SCFD2: variants seen among roughly 807,000 people sequenced by gnomAD.
SCFD2 encodes the protein sec1 family domain-containing protein 2.
In SCFD2, 54 loss-of-function variants were observed where a neutral mutation model predicts 58.9. The observed-to-expected ratio is 0.92, with a 90% confidence interval of 0.74 to 1.15. SCFD2 has a LOEUF of 1.15. Among genes scored for constraint, SCFD2 ranks in the 50% most tolerant of loss-of-function variants. The pLI, the probability that SCFD2 is intolerant of heterozygous loss-of-function variation, is 0.00. For synonymous variants in SCFD2, 321 were observed against 335.9 expected (o/e 0.96, Z 0.49); for missense variants, 805 against 836.6 (o/e 0.96, Z 0.47).
chr4:52,955,056 T>C (rs1248819782), intron 5 of SCFD2, among the ~76,000 whole-genome samples: 1 of 152,178 alleles, frequency 6.6e-6, no homozygotes, highest in African/African-American at 2.4e-5. Flanking sequence ...GTGGCTACTT[T>C]CCTCCCACCT....
intron 3 of SCFD2, among the ~76,000 whole-genome samples, chr4:53,284,943 TC>T (rs556357086): frequency 1.1e-3 from 169 of 152,350 alleles, no homozygotes; most frequent in Middle Eastern, 3.4e-3. Flanking sequence ...AGTATAGGTT[TC>T]TGGTTACACA....
At chr4:53,253,148 T>A (rs1437509355) in intron 4 of SCFD2, among the ~76,000 whole-genome samples, 1 of 152,220 alleles carries the variant, frequency 6.6e-6, no homozygotes, top group Non-Finnish European at 1.5e-5. Context: ...ATGCTCATCA[T>A]CACTGGCCAT....
intron 4 of SCFD2, among the ~76,000 whole-genome samples, chr4:53,238,214 T>C (rs1240403716): frequency 1.3e-4 from 17 of 134,602 alleles, no homozygotes; most frequent in South Asian, 2.5e-4. Flanking sequence ...ACGGGGCGGC[T>C]GGCCGGGCAG....
intron 5 of SCFD2, among the ~76,000 whole-genome samples, chr4:52,945,093 C>T (rs1384419376): frequency 6.6e-6 from 1 of 152,076 alleles, no homozygotes; most frequent in Non-Finnish European, 1.5e-5. Context: ...TTAAAAAGCT[C>T]TATATACTTC....
intron 5 of SCFD2, among the ~76,000 whole-genome samples, chr4:53,028,557 T>C (rs1369083419): frequency 1.3e-5 from 2 of 151,416 alleles, no homozygotes; most frequent in Non-Finnish European, 2.9e-5. Context: ...ATGCTACTTA[T>C]TCAATAGAGT....
chr4:52,980,938 A>T (rs1721364392), intron 5 of SCFD2, among the ~76,000 whole-genome samples: 1 of 152,114 alleles, frequency 6.6e-6, no homozygotes, highest in African/African-American at 2.4e-5. Context: ...TACATAGCCT[A>T]TATTGGTGTA....
intron 4 of SCFD2, among the ~76,000 whole-genome samples, chr4:53,240,586 C>T (rs1729862530): frequency 6.6e-6 from 1 of 152,222 alleles, no homozygotes; most frequent in African/African-American, 2.4e-5. Flanking sequence ...AATACTTTCC[C>T]ATTTGACGTT....
chr4:53,359,726 T>C (rs975515950), intron 1 of SCFD2, among the ~76,000 whole-genome samples: 3 of 152,226 alleles, frequency 2.0e-5, no homozygotes, highest in African/African-American at 7.2e-5. Context: ...CTGATAGTCA[T>C]GAGCTTCCCA....
At chr4:53,127,288 G>A (rs773903670) in intron 5 of SCFD2, among the ~76,000 whole-genome samples, 3 of 152,146 alleles carry the variant, frequency 2.0e-5, no homozygotes, top group Non-Finnish European at 4.4e-5. Context: ...AAGTTCATCT[G>A]GTAAACTTGC....
intron 5 of SCFD2, among the ~76,000 whole-genome samples, chr4:52,981,195 T>G (rs1304716078): frequency 1.3e-5 from 2 of 152,158 alleles, no homozygotes; most frequent in African/African-American, 4.8e-5. Context: ...AGTATAAACC[T>G]TGAAAATGCA....
chr4:53,269,686 TTATAA>T (rs1264657206), intron 4 of SCFD2, among the ~76,000 whole-genome samples: 5 of 152,134 alleles, frequency 3.3e-5, no homozygotes, highest in Admixed American at 6.5e-5. Flanking sequence ...TACTAAACTA[TTATAA>T]TATAATCTTT....
At chr4:53,051,215 G>A (rs1440116277) in intron 5 of SCFD2, among the ~76,000 whole-genome samples, 1 of 152,150 alleles carries the variant, frequency 6.6e-6, no homozygotes, top group Non-Finnish European at 1.5e-5. Context: ...AAAGGTTTGA[G>A]AACATCTTCT....
intron 5 of SCFD2, among the ~76,000 whole-genome samples, chr4:53,001,219 G>T (rs1010961649): frequency 1.3e-5 from 2 of 152,166 alleles, no homozygotes; most frequent in South Asian, 2.1e-4. Flanking sequence ...AACTGAAGAT[G>T]TCTCCCACAA....
intron 7 of SCFD2, among the ~76,000 whole-genome samples, chr4:52,905,820 TCAA>T (rs749689147): frequency 3.9e-5 from 6 of 152,022 alleles, no homozygotes; most frequent in South Asian, 4.2e-4. Flanking sequence ...ATAAACATGA[TCAA>T]CAACAACAAC....
At chr4:53,334,980 T>G (rs1189437009) in intron 2 of SCFD2, among the ~76,000 whole-genome samples, 1 of 152,052 alleles carries the variant, frequency 6.6e-6, no homozygotes, top group African/African-American at 2.4e-5. Flanking sequence ...GTGGATCACT[T>G]GAGGCCAGGA....
At chr4:53,198,252 C>T (rs1349724304) in intron 4 of SCFD2, among the ~76,000 whole-genome samples, 1 of 152,020 alleles carries the variant, frequency 6.6e-6, no homozygotes, top group African/African-American at 2.4e-5. Flanking sequence ...AATCAAACCT[C>T]CTATCATCTT....
At chr4:53,329,042 T>TA (rs1292062409) in intron 2 of SCFD2, among the ~76,000 whole-genome samples, 3 of 152,170 alleles carry the variant, frequency 2.0e-5, no homozygotes, top group African/African-American at 7.2e-5. Flanking sequence ...CGGACCGGGT[T>TA]AAAAAACGGC....
At chr4:52,949,131 C>G (rs1416864298) in intron 5 of SCFD2, 2 of 152,258 alleles carry the variant, frequency 1.3e-5, no homozygotes, top group African/African-American at 4.8e-5. Context: ...ATAGGACACT[C>G]AAATATTCTC....
intron 2 of SCFD2, among the ~76,000 whole-genome samples, chr4:53,344,360 G>C (rs1733987326): frequency 6.6e-6 from 1 of 152,100 alleles, no homozygotes; most frequent in Non-Finnish European, 1.5e-5. Context: ...TTGCTACAAA[G>C]AGAATAAAAT....
Sources: gnomAD v4.1 joint callset for allele counts (sites outside exome capture counted in the v4.1 genomes callset) on GRCh38, gnomAD v4.1.1 for gene constraint, MANE v1.5 for transcripts, NCBI Gene and HGNC (gene_info 2026-07-23, HGNC 2026-07-21) for gene names.